Variants in AIF1L observed in about 807,000 individuals in gnomAD.
The protein encoded by AIF1L is allograft inflammatory factor 1 like.
AIF1L carries 12 observed loss-of-function variants against 20.7 expected under a neutral mutation model. The observed-to-expected ratio is 0.58, with a 90% CI of 0.37 to 0.94. AIF1L has a LOEUF of 0.94. AIF1L is among the 40% of genes least tolerant of loss of function. The pLI is 0.01. For missense variants in AIF1L, 173 were observed against 185.3 expected (o/e 0.93, Z 0.39); for synonymous variants, 76 against 65.1 (o/e 1.17, Z -0.81).
intron 3 of AIF1L, among the ~76,000 whole-genome samples, chr9:131,113,048 A>G (rs1176781201): frequency 1.3e-5 from 2 of 151,948 alleles, no homozygotes; most frequent in Admixed American, 1.3e-4. Flanking sequence ...CCCACCCGGG[A>G]GCCTGTGTTC....
chr9:131,105,689 C>T (rs1830732267), intron 2 of AIF1L, among the ~76,000 whole-genome samples: 1 of 152,154 alleles, frequency 6.6e-6, no homozygotes, highest in African/African-American at 2.4e-5. Flanking sequence ...ATTCCAAACC[C>T]TAAGCCCCTC....
chr9:131,106,344 A>G, intron 2 of AIF1L: 1 of 1,065,512 alleles, frequency 9.4e-7, no homozygotes, highest in Non-Finnish European at 1.4e-6. Flanking sequence ...TGGAACCTAC[A>G]TTCTAGCCGG....
chr9:131,104,760 C>T (rs886637655), intron 2 of AIF1L, among the ~76,000 whole-genome samples: 4 of 152,088 alleles, frequency 2.6e-5, no homozygotes, highest in Non-Finnish European at 4.4e-5. Flanking sequence ...TGGCCGGGTG[C>T]GGTGGCTCAT....
intron 2 of AIF1L, among the ~76,000 whole-genome samples, chr9:131,110,505 CTTTT>C (rs199767868): frequency 7.2e-6 from 1 of 138,442 alleles, no homozygotes; most frequent in Admixed American, 7.2e-5. Context: ...TTTTTCTTTT[CTTTT>C]TTTTTTTTTT....
At chr9:131,116,411 G>A (rs987424633) in intron 4 of AIF1L, among the ~76,000 whole-genome samples, 3 of 151,944 alleles carry the variant, frequency 2.0e-5, no homozygotes, top group Non-Finnish European at 4.4e-5. Context: ...TTACAGGCAC[G>A]CACCACCACG....
intron 2 of AIF1L, 181 bp from the exon 3 acceptor site, chr9:131,111,416 C>G (rs1430068956): frequency 2.2e-5 from 14 of 624,354 alleles, no homozygotes; most frequent in Non-Finnish European, 3.1e-5. Context: ...TTCCTACCCA[C>G]AGGGTGGCCA....
intron 2 of AIF1L, among the ~76,000 whole-genome samples, chr9:131,109,699 C>T (rs368437102): frequency 3.3e-5 from 5 of 152,200 alleles, no homozygotes; most frequent in Non-Finnish European, 4.4e-5. Flanking sequence ...AAAGATTAGC[C>T]GCAAGATACA....
At chr9:131,099,756 A>G (rs1588178329) in intron 2 of AIF1L, among the ~76,000 whole-genome samples, 2 of 135,334 alleles carry the variant, frequency 1.5e-5, no homozygotes, top group Non-Finnish European at 1.6e-5. Context: ...TTTTAGACAG[A>G]GTCTCTGTCA....
intron 2 of AIF1L, among the ~76,000 whole-genome samples, chr9:131,110,377 A>C (rs963247009): frequency 6.6e-6 from 1 of 152,174 alleles, no homozygotes; most frequent in Non-Finnish European, 1.5e-5. Context: ...TCTGAAGGGA[A>C]GGCAGGCCAG....
rs1437449817 is a variant in AIF1L, at chr9:131,122,822, G to A, written c.*2500G>A. ...TTCATTTCTTGAGACTCAACTCCTG[G>A]GAGGAGAGGGTCTCAAGAGTTGTCC... On this transcript the variant is annotated 3_prime_UTR_variant, in exon 6 of 6. Transcript: ENST00000247291. 4 of 152,392 alleles carry A rather than the reference G, an allele frequency of 2.6e-5. No individual in the cohort carries two copies. The highest frequency in any genetic ancestry group is 4.1e-4 in the South Asian group (2 of 4,830). The allele number at this position is 152,392 out of a possible 1,614,324, so 9.4% of individuals were successfully genotyped here.
chr9:131,102,705 C>T (rs1032932489), intron 2 of AIF1L, among the ~76,000 whole-genome samples: 6 of 152,214 alleles, frequency 3.9e-5, no homozygotes, highest in Admixed American at 2.6e-4. Flanking sequence ...AATGTGAACC[C>T]GCTGTCCTTG....
chr9:131,106,443 C>T (rs1008853203), intron 2 of AIF1L, among the ~76,000 whole-genome samples: 3 of 152,076 alleles, frequency 2.0e-5, no homozygotes, highest in Admixed American at 6.6e-5. Flanking sequence ...TGGATAAGGG[C>T]GATTGGAAGT....
At chr9:131,114,859 C>T (rs1050871920) in intron 4 of AIF1L, among the ~76,000 whole-genome samples, 1 of 152,046 alleles carries the variant, frequency 6.6e-6, no homozygotes, top group African/African-American at 2.4e-5. Context: ...CCAGGTGCTA[C>T]GGGGACTCAG....
chr9:131,099,026 T>A (rs1830585041), intron 2 of AIF1L, among the ~76,000 whole-genome samples: 1 of 152,090 alleles, frequency 6.6e-6, no homozygotes, highest in African/African-American at 2.4e-5. Flanking sequence ...AGTCATGAGG[T>A]ACCCACAAGC....
In AIF1L at chr9:131,114,614, G is replaced by A; in HGVS notation, c.198G>A (p.Glu66=). ...YMEFDLNNEG[E]IDLMSLKRMM... The stretch of plus-strand genomic sequence containing the variant: ...AGTTTGACCTGAACAATGAAGGCGA[G>A]ATTGGTGAGTGAAGCCTTGAGTGTG... Residue 66 remains glutamate (E), a synonymous_variant, in exon 4 of 6, where the codon GAG becomes GAA. Transcript: ENST00000247291. 6.2e-7 allele frequency: 1 copy of A among 1,614,170 alleles called. No individual in the cohort carries two copies.
At chr9:131,096,778 A>C in intron 1 of AIF1L, 24 bp from the exon 2 acceptor site, 3 of 1,518,342 alleles carry the variant, frequency 2.0e-6, no homozygotes, top group African/African-American at 1.4e-5. Flanking sequence ...CCCGCTTCCC[A>C]GGCCGCCTCT....
chr9:131,106,822 G>A (rs1830762038), intron 2 of AIF1L, among the ~76,000 whole-genome samples: 1 of 151,128 alleles, frequency 6.6e-6, no homozygotes, highest in Non-Finnish European at 1.5e-5. Flanking sequence ...GAGGCTGGGT[G>A]TGGTGGCTCA....
chr9:131,106,342 A>G, intron 2 of AIF1L: 1 of 1,073,676 alleles, frequency 9.3e-7, no homozygotes, highest in South Asian at 1.3e-5. Context: ...TGTGGAACCT[A>G]CATTCTAGCC....
At position 131,114,636 on chromosome 9, in the gene AIF1L, T is replaced by C. The variant is rs1214808306; in HGVS notation, c.202+18T>C. 1 of 1,613,862 alleles carries C rather than the reference T, an allele frequency of 6.2e-7. No homozygotes were observed. Among genetic ancestry groups the C allele is most frequent in the East Asian group, 2.2e-5 (1 of 44,880 alleles). On this transcript the variant is annotated intron_variant, in intron 4 of 5. Coordinates refer to ENST00000247291, the MANE Select transcript of AIF1L (RefSeq NM_031426.4). The stretch of plus-strand genomic sequence containing the variant: ...CGAGATTGGTGAGTGAAGCCTTGAG[T>C]GTGTTTAGGGAGGAGGGTGTTAAGT...
Sources: allele counts gnomAD v4.1 joint callset (sites outside exome capture counted in the v4.1 genomes callset), GRCh38; gene constraint gnomAD v4.1.1; transcripts MANE v1.5; gene names NCBI Gene and HGNC (gene_info 2026-07-23, HGNC 2026-07-21).